The following TBCA variants were observed in gnomAD, a reference collection of about 807,000 sequenced individuals.
TBCA encodes the protein tubulin folding cofactor A.
In TBCA, 6 loss-of-function variants were observed where a neutral mutation model predicts 15.8. The ratio of observed to expected loss-of-function variants is 0.38; its 90% CI spans 0.21 to 0.75. The LOEUF is 0.75. Ranked by LOEUF, TBCA falls within the 30% of genes least tolerant of loss-of-function variation. The pLI is 0.46. For missense variants in TBCA, 90 were observed against 131.2 expected, an observed-to-expected ratio of 0.69 and a Z score of 1.53; for synonymous variants, 32 against 42.3, an observed-to-expected ratio of 0.76 and a Z score of 0.94.
chr5:77,759,631 T>G (rs1747559368), intron 1 of TBCA, among the ~76,000 whole-genome samples: 1 of 152,192 alleles, frequency 6.6e-6, no homozygotes, highest in African/African-American at 2.4e-5. Context: ...ATTTTCCAAT[T>G]AAAGACTCAG....
In TBCA at chr5:77,753,165, T is replaced by C. The variant is rs2112496028; in HGVS notation, c.53+23040A>G. ...GAGAAAAAAAAATGAGGTTTTAATT[T>C]AACAAAACATGACCTTAAGATTTTA... On this transcript the variant is annotated intron_variant, in intron 1 of 3. Transcript: ENST00000380377. Among the ~76,000 whole-genome samples the C allele has an allele frequency of 1.3e-5, 2 of 152,312 alleles. 1 individual carries two copies. The highest frequency in any genetic ancestry group is 4.1e-4 in the South Asian group (2 of 4,830).
At chr5:77,732,174 A>G (rs1746787423) in intron 1 of TBCA, among the ~76,000 whole-genome samples, 1 of 152,200 alleles carries the variant, frequency 6.6e-6, no homozygotes, top group African/African-American at 2.4e-5. Context: ...AAACATTTCT[A>G]GAGCTATAGC....
rs141088256 is a variant in TBCA at position 77,760,368 on chromosome 5, G to T, written c.53+15837C>A. 2.2e-3 allele frequency among the ~76,000 whole-genome samples: 334 copies of T among 152,102 alleles called. 1 individual carries two copies. The highest frequency in any genetic ancestry group is 7.7e-3 in the African/African-American group (318 of 41,486). ...GTAATTATTTCAATTAATACTCTACGGCCCTCCCTTCCTTCCTCCTTTTTC... is the reference window on the plus strand; with the variant it reads ...GTAATTATTTCAATTAATACTCTACTGCCCTCCCTTCCTTCCTCCTTTTTC... On this transcript the variant is annotated intron_variant, in intron 1 of 3. Coordinates refer to ENST00000380377, the MANE Select transcript of TBCA (RefSeq NM_004607.3).
intron 1 of TBCA, among the ~76,000 whole-genome samples, chr5:77,769,216 A>C (rs1747848996): frequency 2.0e-5 from 3 of 152,334 alleles, no homozygotes; most frequent in African/African-American, 7.2e-5. Context: ...GGAGAACTGA[A>C]TACATTACAC....
intron 3 of TBCA, 152 bp from the exon 4 acceptor site, chr5:77,691,650 G>T: frequency 7.2e-7 from 1 of 1,384,054 alleles, no homozygotes; most frequent in East Asian, 2.9e-5. Context: ...AATTCCACAG[G>T]TTTCCCACAT....
At chr5:77,750,155 G>T (rs911002510) in intron 1 of TBCA, among the ~76,000 whole-genome samples, 122 of 146,252 alleles carry the variant, frequency 8.3e-4, no homozygotes, top group African/African-American at 2.8e-3. Flanking sequence ...TATATAGAGA[G>T]AGAGCACAAA....
chr5:77,728,440 T>C (rs10056156), intron 1 of TBCA, among the ~76,000 whole-genome samples: 47 of 152,168 alleles, frequency 3.1e-4, no homozygotes, highest in Admixed American at 7.9e-4. Context: ...AAACCAGTAT[T>C]ATAAACAGCA....
chr5:77,771,942 A>G (rs1008375777), intron 1 of TBCA, among the ~76,000 whole-genome samples: 1 of 152,204 alleles, frequency 6.6e-6, no homozygotes, highest in Non-Finnish European at 1.5e-5. Context: ...GGCATGAATA[A>G]TGACTTTAAA....
At chr5:77,696,222 T>C (rs968716775) in intron 2 of TBCA, among the ~76,000 whole-genome samples, 3 of 152,188 alleles carry the variant, frequency 2.0e-5, no homozygotes, top group East Asian at 1.9e-4. Context: ...TACTCTAATA[T>C]TGGCTACTGG....
At chr5:77,749,346 CT>C (rs1263260016) in intron 1 of TBCA, among the ~76,000 whole-genome samples, 1 of 152,190 alleles carries the variant, frequency 6.6e-6, no homozygotes, top group African/African-American at 2.4e-5. Context: ...CATCTTTACA[CT>C]TGTTTACATT....
At chr5:77,720,570 C>A (rs1304969291) in intron 1 of TBCA, among the ~76,000 whole-genome samples, 5 of 151,956 alleles carry the variant, frequency 3.3e-5, no homozygotes, top group African/African-American at 1.2e-4. Flanking sequence ...AAAAATTAGC[C>A]AGGCGTGGTG....
chr5:77,763,603 T>C (rs1353801577), intron 1 of TBCA, among the ~76,000 whole-genome samples: 1 of 152,152 alleles, frequency 6.6e-6, no homozygotes. Flanking sequence ...ATGAGATTAG[T>C]GCCCTTGTAA....
In TBCA at chr5:77,732,804, A is replaced by G. The variant is rs143351606; in HGVS notation, c.54-24457T>C. ...GTGCCTATATAAGATGGCAAACTCA[A>G]TCGATGAATGTGTATATTCTGACTG... On this transcript the variant is annotated intron_variant, in intron 1 of 3. Transcript: ENST00000380377. 8.4e-4 allele frequency among the ~76,000 whole-genome samples: 128 copies of G among 152,240 alleles called. 2 individuals carry two copies. In the East Asian group the frequency reaches 0.013, roughly 16 times the overall value.
At chr5:77,722,957 G>A (rs1003786573) in intron 1 of TBCA, among the ~76,000 whole-genome samples, 1 of 151,302 alleles carries the variant, frequency 6.6e-6, no homozygotes, top group Non-Finnish European at 1.5e-5. Context: ...AAAACAACAA[G>A]GAACATTATA....
intron 1 of TBCA, among the ~76,000 whole-genome samples, chr5:77,730,919 G>A (rs1035567008): frequency 6.6e-6 from 1 of 152,058 alleles, no homozygotes; most frequent in African/African-American, 2.4e-5. Flanking sequence ...ACAATATAGT[G>A]TTTCATTGAT....
chr5:77,765,214 C>G (rs1306113778), intron 1 of TBCA, among the ~76,000 whole-genome samples: 1 of 152,108 alleles, frequency 6.6e-6, no homozygotes, highest in Non-Finnish European at 1.5e-5. Flanking sequence ...CATCACATAG[C>G]CCCTGAAAAA....
intron 1 of TBCA, among the ~76,000 whole-genome samples, chr5:77,767,940 G>C (rs1250698256): frequency 6.6e-6 from 1 of 152,196 alleles, no homozygotes; most frequent in Non-Finnish European, 1.5e-5. Context: ...ATTAGGTAAT[G>C]AGGTCTCCTC....
intron 3 of TBCA, chr5:77,691,744 A>C: frequency 8.8e-7 from 1 of 1,138,366 alleles, no homozygotes; most frequent in Non-Finnish European, 1.1e-6. Flanking sequence ...AGTGAATAAC[A>C]GTCTTCTAAA....
chr5:77,693,207 C>G (rs574865723), intron 3 of TBCA, 59 bp downstream of exon 3: 5 of 1,589,774 alleles, frequency 3.1e-6, no homozygotes, highest in African/African-American at 2.7e-5. Context: ...AAACTTTTGG[C>G]TTTCCATGTA....
Sources: gnomAD v4.1 joint callset for allele counts (sites outside exome capture counted in the v4.1 genomes callset) on GRCh38, gnomAD v4.1.1 for gene constraint, MANE v1.5 for transcripts, NCBI Gene and HGNC (gene_info 2026-07-23, HGNC 2026-07-21) for gene names.